The following COL24A1 variants were observed in gnomAD, a reference collection of about 807,000 sequenced individuals.
The protein encoded by COL24A1 is collagen type XXIV alpha 1 chain, also known as collagen alpha-1(XXIV) chain.
COL24A1 carries 224 observed loss-of-function variants against 253.9 expected under a neutral mutation model. The ratio of observed to expected loss-of-function variants is 0.88; its 90% CI spans 0.79 to 0.99. COL24A1 has a LOEUF of 0.99. Among genes scored for constraint, COL24A1 ranks in the 50% least tolerant of loss-of-function variants. The probability of loss-of-function intolerance (pLI) is 0.00; values close to 1 mark genes in which losing one functional copy is unlikely to be tolerated. For missense variants in COL24A1, 2,131 were observed against 2,068.5 expected (o/e 1.03, Z -0.59); for synonymous variants, 685 against 673.7 (o/e 1.02, Z -0.26).
chr1:85,803,553 C>G (rs766638899), intron 47 of COL24A1, among the ~76,000 whole-genome samples: 1 of 150,602 alleles, frequency 6.6e-6, no homozygotes, highest in Non-Finnish European at 1.5e-5. Context: ...TTTCCCTCAG[C>G]AATGTTTTAT....
At chr1:85,838,955 G>T (rs313698) in intron 42 of COL24A1, among the ~76,000 whole-genome samples, 123,360 of 152,148 alleles carry the variant, frequency 0.81, 50,404 homozygotes, top group South Asian at 0.87. Flanking sequence ...GTCCCAGCAC[G>T]TTGGGAGGCT....
At chr1:85,734,133 C>T (rs1663799911) in intron 59 of COL24A1, among the ~76,000 whole-genome samples, 1 of 151,494 alleles carries the variant, frequency 6.6e-6, no homozygotes, top group Non-Finnish European at 1.5e-5. Flanking sequence ...GAATTCTTGA[C>T]TTCAAGTGAT....
intron 10 of COL24A1, among the ~76,000 whole-genome samples, chr1:86,057,260 C>T (rs778523731): frequency 6.6e-6 from 1 of 152,128 alleles, no homozygotes; most frequent in East Asian, 1.9e-4. Context: ...CTTCACCTTC[C>T]GCTGTGACTA....
At chr1:86,046,609 G>A (rs991224676) in intron 12 of COL24A1, among the ~76,000 whole-genome samples, 3 of 152,004 alleles carry the variant, frequency 2.0e-5, no homozygotes, top group Non-Finnish European at 4.4e-5. Context: ...ATAGTGAAAG[G>A]GTTAGAAGTG....
intron 19 of COL24A1, among the ~76,000 whole-genome samples, chr1:86,006,808 A>G (rs528528689): frequency 3.3e-5 from 5 of 152,290 alleles, no homozygotes; most frequent in Admixed American, 6.5e-5. Flanking sequence ...AAAACATTAA[A>G]AAAAGGCCAA....
intron 43 of COL24A1, among the ~76,000 whole-genome samples, chr1:85,828,054 C>A (rs1321177347): frequency 2.0e-5 from 3 of 152,024 alleles, no homozygotes; most frequent in Non-Finnish European, 4.4e-5. Flanking sequence ...CTCTTCTGGG[C>A]ATTTAGTGCT....
chr1:85,934,754 A>G (rs995112891), intron 24 of COL24A1, among the ~76,000 whole-genome samples: 1 of 152,134 alleles, frequency 6.6e-6, no homozygotes, highest in African/African-American at 2.4e-5. Flanking sequence ...ATTATCTGTG[A>G]CTATTTCCAC....
intron 7 of COL24A1, among the ~76,000 whole-genome samples, chr1:86,074,680 G>C (rs12744220): frequency 6.6e-6 from 1 of 151,894 alleles, no homozygotes; most frequent in Non-Finnish European, 1.5e-5. Context: ...CATCACACTT[G>C]TTCTAAAATT....
rs769985664 is a variant in COL24A1, at chr1:85,818,001, A to G, written c.3843+33T>C. The G allele has an allele frequency of 8.1e-6, 13 of 1,599,958 alleles. No individual in the cohort carries two copies. In the Middle Eastern group the frequency reaches 6.6e-4, roughly 81 times the overall value. ...CTAAAGTTGCCAGTTCCATTTAGAA[A>G]AGCAAGAAAGATGAAAGAGGCCTGT... On this transcript the variant is annotated intron_variant, in intron 46 of 59. Transcript: ENST00000370571.
chr1:86,029,673 C>T (rs1698378369), intron 14 of COL24A1, among the ~76,000 whole-genome samples: 1 of 147,700 alleles, frequency 6.8e-6, no homozygotes, highest in African/African-American at 2.5e-5. Flanking sequence ...TGGAGTGCAG[C>T]AGCATGATCA....
At chr1:85,824,437 C>T (rs953726028) in intron 43 of COL24A1, among the ~76,000 whole-genome samples, 41 of 152,294 alleles carry the variant, frequency 2.7e-4, no homozygotes, top group African/African-American at 7.9e-4. Context: ...ACCAAAGGAA[C>T]AGAGTTTGAG....
chr1:85,877,934 A>T (rs1482571091), intron 32 of COL24A1, among the ~76,000 whole-genome samples: 1 of 152,112 alleles, frequency 6.6e-6, no homozygotes, highest in South Asian at 2.1e-4. Context: ...CTGACTGTAC[A>T]GTTTTACCCC....
At chr1:86,106,631 C>A (rs574002336) in intron 5 of COL24A1, among the ~76,000 whole-genome samples, 3 of 152,130 alleles carry the variant, frequency 2.0e-5, no homozygotes, top group African/African-American at 7.2e-5. Context: ...ACATTCCCAT[C>A]GCGCTGCAAA....
chr1:85,919,622 G>C (rs533895306), intron 24 of COL24A1, among the ~76,000 whole-genome samples: 46 of 152,308 alleles, frequency 3.0e-4, no homozygotes, highest in African/African-American at 1.1e-3. Flanking sequence ...GGAGGCTGCA[G>C]TGGAGCAATG....
chr1:86,137,864 C>CTT (rs954458058), intron 2 of COL24A1, among the ~76,000 whole-genome samples: 1 of 152,144 alleles, frequency 6.6e-6, no homozygotes, highest in African/African-American at 2.4e-5. Flanking sequence ...TGAAGAGTCT[C>CTT]ACAACCACAC....
chr1:85,973,545 A>G (rs1455237767), intron 20 of COL24A1, among the ~76,000 whole-genome samples: 1 of 152,186 alleles, frequency 6.6e-6, no homozygotes, highest in Non-Finnish European at 1.5e-5. Flanking sequence ...TACAATAAAA[A>G]ATTATAAACA....
chr1:85,981,493 C>T (rs1693254132), intron 20 of COL24A1, among the ~76,000 whole-genome samples: 2 of 152,036 alleles, frequency 1.3e-5, no homozygotes. Flanking sequence ...CAAAAAATCA[C>T]CTTAAGATGG....
At chr1:85,780,099 G>A (rs1354963535) in intron 52 of COL24A1, among the ~76,000 whole-genome samples, 1 of 152,090 alleles carries the variant, frequency 6.6e-6, no homozygotes, top group Non-Finnish European at 1.5e-5. Flanking sequence ...ACTGAAATAT[G>A]AGAATTCTCC....
Position 85,730,297 on chromosome 1 carries a change from T to C in COL24A1, c.*249A>G, listed in dbSNP as rs370169647. 134 of 305,290 alleles carry C rather than the reference T, an allele frequency of 4.4e-4. No homozygotes were observed. The highest frequency in any genetic ancestry group is 2.2e-3 in the Middle Eastern group (2 of 918). The allele number at this position is 305,290 out of a possible 1,614,324, so 18.9% of individuals were successfully genotyped here. A position where few individuals can be genotyped will look rare whatever the true frequency, so the allele number is the denominator to read the frequency against. On this transcript the variant is annotated 3_prime_UTR_variant, in exon 60 of 60. Transcript: ENST00000370571. Reference sequence around the variant, plus strand: ...GAATTCCATATTTATAAATTTTTAGTTCTAGGGAATTCTCTAAGAAAGCTG... The same window carrying C: ...GAATTCCATATTTATAAATTTTTAGCTCTAGGGAATTCTCTAAGAAAGCTG...
Sources: gnomAD v4.1 joint callset for allele counts (sites outside exome capture counted in the v4.1 genomes callset) on GRCh38, gnomAD v4.1.1 for gene constraint, MANE v1.5 for transcripts, NCBI Gene and HGNC (gene_info 2026-07-23, HGNC 2026-07-21) for gene names.